Variants in FAM53A observed in about 807,000 individuals in gnomAD.
FAM53A encodes protein FAM53A.
A neutral mutation model predicts 26.6 loss-of-function variants in FAM53A; 28 were observed. That is an observed-to-expected ratio of 1.05 (90% CI 0.78 to 1.45). FAM53A has a LOEUF of 1.45. Ranked by LOEUF, FAM53A falls within the 40% of genes most tolerant of loss-of-function variation. FAM53A has a pLI of 0.00. For synonymous variants in FAM53A, 290 were observed against 253.1 expected (o/e 1.15, Z -1.38); for missense variants, 650 against 575.8 (o/e 1.13, Z -1.32).
downstream of FAM53A, among the ~76,000 whole-genome samples, chr4:1,634,908 A>AT (rs1560122977): frequency 1.3e-5 from 2 of 151,970 alleles, no homozygotes; most frequent in African/African-American, 4.8e-5. Context: ...CTCAAAAAAA[A>AT]AAAAATAAAA....
At chr4:1,650,991 G>A (rs1228801580) in intron 4 of FAM53A, among the ~76,000 whole-genome samples, 1 of 151,052 alleles carries the variant, frequency 6.6e-6, no homozygotes, top group Non-Finnish European at 1.5e-5. Flanking sequence ...GGCCGAGGCG[G>A]GTGGATCACG....
At chr4:1,631,608 T>C (rs540646905) in intron 1 of FAM53A, among the ~76,000 whole-genome samples, 11 of 152,114 alleles carry the variant, frequency 7.2e-5, no homozygotes, top group African/African-American at 2.4e-4. Flanking sequence ...CTGGGCAGCC[T>C]CTGAGACGCC....
chr4:1,628,832 G>A (rs1577089388), intron 1 of FAM53A, among the ~76,000 whole-genome samples: 1 of 132,696 alleles, frequency 7.5e-6, no homozygotes, highest in African/African-American at 2.8e-5. Flanking sequence ...TGGCATGGGG[G>A]AGGTTGGCAT....
rs938420795 is a variant in FAM53A at position 1,623,102 on chromosome 4, G to A, written c.432-4991C>T. On this transcript the variant is annotated intron_variant, in intron 1 of 1. Coordinates refer to the FAM53A transcript ENST00000489029. ...TGCCTCCCACTGTGGCCACCAGCCC[G>A]GCATGCGGTCCCCCACGCTGAGCAG... is the stretch of plus-strand genomic sequence containing the variant. Among the ~76,000 whole-genome samples the A allele has an allele frequency of 3.6e-4, 55 of 152,348 alleles. 1 individual carries two copies. The highest frequency in any genetic ancestry group is 3.1e-3 in the Admixed American group (48 of 15,306).
intron 1 of FAM53A, among the ~76,000 whole-genome samples, chr4:1,634,555 T>C (rs966690045): frequency 5.3e-5 from 8 of 152,216 alleles, no homozygotes; most frequent in African/African-American, 1.4e-4. Flanking sequence ...AACGGAATTA[T>C]GAAAGGCTGG....
At chr4:1,632,348 G>A (rs74825999) in intron 1 of FAM53A, among the ~76,000 whole-genome samples, 2,450 of 152,114 alleles carry the variant, frequency 0.016, 60 homozygotes, top group Admixed American at 0.05. Flanking sequence ...GATAGTGGCC[G>A]CCTTTGAACC....
At chr4:1,643,421 G>C (rs1372542027) in intron 4 of FAM53A, among the ~76,000 whole-genome samples, 4 of 151,796 alleles carry the variant, frequency 2.6e-5, no homozygotes, top group Non-Finnish European at 5.9e-5. Flanking sequence ...AGCCGAGATT[G>C]GGCCACTGCA....
At chr4:1,622,702 G>A (rs369276022) in intron 1 of FAM53A, among the ~76,000 whole-genome samples, 3 of 152,198 alleles carry the variant, frequency 2.0e-5, no homozygotes, top group East Asian at 1.9e-4. Flanking sequence ...CGGGAACAGC[G>A]GCTGTTTGGC....
At chr4:1,590,660 T>A in the FAM53A span, among the ~76,000 whole-genome samples, 7,920 of 151,918 alleles carry the variant, frequency 0.052, 285 homozygotes, top group African/African-American at 0.093. Flanking sequence ...TTTGGGTAGG[T>A]TGCCTCTGAA....
At chr4:1,635,402 A>C (rs986085468), downstream of FAM53A, among the ~76,000 whole-genome samples, 6 of 151,888 alleles carry the variant, frequency 4.0e-5, no homozygotes, top group South Asian at 2.1e-4. Context: ...GCCTCCTAAG[A>C]AGCTGGTACT....
downstream of FAM53A, among the ~76,000 whole-genome samples, chr4:1,616,478 T>C (rs936828453): frequency 1.3e-5 from 2 of 152,184 alleles, no homozygotes; most frequent in Non-Finnish European, 2.9e-5. Flanking sequence ...TGAGACTCCA[T>C]CTCACTGCAC....
At chr4:1,612,866 C>T in the FAM53A span, among the ~76,000 whole-genome samples, 5 of 152,348 alleles carry the variant, frequency 3.3e-5, no homozygotes, top group East Asian at 1.9e-4. Context: ...CAAACGCATA[C>T]TGACACACAG....
chr4:1,593,900 C>T, the FAM53A span, among the ~76,000 whole-genome samples: 2,612 of 152,282 alleles, frequency 0.017, 62 homozygotes, highest in East Asian at 0.049. Context: ...ATTTAGAACA[C>T]AAAGGACGGG....
chr4:1,621,211 C>A (rs1577081073), intron 1 of FAM53A, among the ~76,000 whole-genome samples: 2 of 146,808 alleles, frequency 1.4e-5, no homozygotes, highest in Admixed American at 7.3e-5. Flanking sequence ...TCATGCCATT[C>A]TCCTGCCTCA....
chr4:1,584,165 A>G, the FAM53A span, among the ~76,000 whole-genome samples: 1 of 152,222 alleles, frequency 6.6e-6, no homozygotes, highest in Non-Finnish European at 1.5e-5. Context: ...TTTGTCAAAC[A>G]GAATCCTTCA....
chr4:1,577,788 A>G, the FAM53A span, among the ~76,000 whole-genome samples: 7 of 152,148 alleles, frequency 4.6e-5, no homozygotes, highest in African/African-American at 1.7e-4. Flanking sequence ...ATTTAATTCA[A>G]TTAGCACCTT....
chr4:1,622,378 G>A (rs1715080714), intron 1 of FAM53A, among the ~76,000 whole-genome samples: 1 of 152,120 alleles, frequency 6.6e-6, no homozygotes, highest in Non-Finnish European at 1.5e-5. Context: ...TCTGGCTGGG[G>A]TGGGCACCTT....
At chr4:1,662,196 G>A (rs1713883810) in intron 2 of FAM53A, among the ~76,000 whole-genome samples, 1 of 152,050 alleles carries the variant, frequency 6.6e-6, no homozygotes, top group Admixed American at 6.6e-5. Context: ...ATAGCTGGGT[G>A]TGGGGTGGGC....
At position 1,630,680 on chromosome 4, in the gene FAM53A, C is replaced by T. The variant is rs1386502057; in HGVS notation, c.432-12569G>A. ...GGAAGCCAGACAGAAAAGGCCCGCA[C>T]AGCATGATCCCACGTCTACGAAATG... is the stretch of plus-strand genomic sequence containing the variant. On this transcript the variant is annotated intron_variant, in intron 1 of 1. Coordinates refer to the FAM53A transcript ENST00000489029. This position sits in a 1 kb window ranked among gnomAD's most constrained non-coding sequence, Gnocchi z 4.3. 6.6e-6 allele frequency among the ~76,000 whole-genome samples: 1 copy of T among 152,152 alleles called. No individual in the cohort carries two copies. Among genetic ancestry groups the T allele is most frequent in the Non-Finnish European group, 1.5e-5 (1 of 68,022 alleles).
Sources: allele counts gnomAD v4.1 joint callset (sites outside exome capture counted in the v4.1 genomes callset), GRCh38; gene constraint gnomAD v4.1.1; non-coding constraint Gnocchi (gnomAD v3.1); transcripts MANE v1.5; gene names NCBI Gene and HGNC (gene_info 2026-07-23, HGNC 2026-07-21).